The following ZNF273 variants were observed in gnomAD, a reference collection of about 807,000 sequenced individuals.
The protein encoded by ZNF273 is zinc finger protein 9.
ZNF273 carries 11 observed loss-of-function variants against 14.9 expected under a neutral mutation model. The ratio of observed to expected loss-of-function variants is 0.74; its 90% CI spans 0.46 to 1.22. The LOEUF is 1.22. Ranked by LOEUF, ZNF273 falls within the 50% of genes most tolerant of loss-of-function variation. The probability of loss-of-function intolerance (pLI) is 0.00; values close to 1 mark genes in which losing one functional copy is unlikely to be tolerated. For synonymous variants in ZNF273, 199 were observed against 223.9 expected, an observed-to-expected ratio of 0.89 and a Z score of 0.99; for missense variants, 577 against 660.6, an observed-to-expected ratio of 0.87 and a Z score of 1.39.
rs1158865282 is a variant in ZNF273, at chr7:64,928,628, G to A, written c.1300G>A (p.Glu434Lys). Residue 434 changes from glutamate (E) to lysine (K), a missense_variant, in exon 4 of 4, where the codon GAA (glutamate) becomes AAA (lysine). Physicochemically the swap from Glu to Lys is moderately conservative, Grantham distance 56 (BLOSUM62 1). Transcript: ENST00000476120. ...TAAAGAGAAACCATACAAATGTGAA[G>A]AATGTGGAAAAGCCTTTAGTGTATT... is the stretch of plus-strand genomic sequence containing the variant. Reference protein sequence around the residue: ...YTKEKPYKCEECGKAFSVFST... With the variant: ...YTKEKPYKCEKCGKAFSVFST... 1.2e-6 allele frequency: 2 copies of A among 1,613,180 alleles called. No individual in the cohort carries two copies. Among genetic ancestry groups the A allele is most frequent in the Non-Finnish European group, 1.7e-6 (2 of 1,179,662 alleles).
At chr7:64,889,546 A>T, downstream of ZNF273, 2 of 985,532 alleles carry the variant, frequency 2.0e-6, no homozygotes, top group Non-Finnish European at 2.4e-6. This position sits in a 1 kb window ranked among gnomAD's most constrained non-coding sequence, Gnocchi z 4.2. Context: ...GCGGTCCTCT[A>T]CGGTCTCCTC....
chr7:64,878,190 C>G (rs1444502899), intron 1 of ZNF273, among the ~76,000 whole-genome samples: 10 of 151,242 alleles, frequency 6.6e-5, no homozygotes, highest in Admixed American at 6.6e-4. Flanking sequence ...GTTTGTTTTT[C>G]CCGTGTTTCC....
At chr7:64,921,637 T>TTTTTTTTTTTTTTTTTTG (rs750737426) in intron 3 of ZNF273, among the ~76,000 whole-genome samples, 11 of 29,574 alleles carry the variant, frequency 3.7e-4, no homozygotes, top group African/African-American at 1.7e-3. Flanking sequence ...TTTTTTTTTT[T>TTTTTTTTTTTTTTTTTTG]GTGTGTGAGA....
At chr7:64,920,855 T>C (rs1053190511) in intron 3 of ZNF273, among the ~76,000 whole-genome samples, 2 of 152,160 alleles carry the variant, frequency 1.3e-5, no homozygotes, top group African/African-American at 4.8e-5. Flanking sequence ...AAGTACCATG[T>C]AGCTGTCCTT....
intron 1 of ZNF273, 66 bp from the exon 2 acceptor site, chr7:64,917,515 A>C: frequency 6.4e-7 from 1 of 1,556,508 alleles, no homozygotes; most frequent in South Asian, 1.1e-5. Flanking sequence ...TTCCACCTTG[A>C]GTCAAATTAA....
At chr7:64,884,794 A>G (rs571330559) in intron 1 of ZNF273, among the ~76,000 whole-genome samples, 7 of 152,320 alleles carry the variant, frequency 4.6e-5, no homozygotes, top group Non-Finnish European at 7.3e-5. Context: ...CCCACCTCAC[A>G]TTCTCGAATC....
intron 1 of ZNF273, among the ~76,000 whole-genome samples, chr7:64,906,047 G>A (rs1022332898): frequency 1.3e-5 from 2 of 152,080 alleles, no homozygotes; most frequent in Admixed American, 6.6e-5. Flanking sequence ...TTATGGGTGA[G>A]ATCAAACAGA....
In ZNF273 at chr7:64,918,127, C is replaced by T; in HGVS notation, c.230-70C>T. ...AGAATACTTAATTACATCCTCTTTA[C>T]TGAGCACATTACTGGTTGATAATTG... On this transcript the variant is annotated intron_variant, in intron 2 of 3. Transcript: ENST00000476120. 5 of 1,403,140 alleles carry T rather than the reference C, an allele frequency of 3.6e-6. 1 individual carries two copies. In the South Asian group the frequency reaches 4.9e-5, roughly 14 times the overall value. The allele number at this position is 1,403,140 out of a possible 1,614,324, so 86.9% of individuals were successfully genotyped here.
chr7:64,909,229 C>CT (rs35538141), intron 1 of ZNF273, among the ~76,000 whole-genome samples: 61,462 of 145,244 alleles, frequency 0.42, 13,016 homozygotes, highest in African/African-American at 0.45. Flanking sequence ...ATGTTTTCTT[C>CT]TTTTTTTTTT....
downstream of ZNF273, among the ~76,000 whole-genome samples, chr7:64,932,870 TC>T (rs1795021901): frequency 6.6e-6 from 1 of 152,126 alleles, no homozygotes; most frequent in East Asian, 1.9e-4. Flanking sequence ...TCACACAGAA[TC>T]TATTTTTAAG....
At chr7:64,885,429 C>A (rs550292683) in intron 1 of ZNF273, among the ~76,000 whole-genome samples, 1 of 152,354 alleles carries the variant, frequency 6.6e-6, no homozygotes, top group East Asian at 1.9e-4. Flanking sequence ...TAAAATTGTA[C>A]CTCTTGGTCA....
chr7:64,914,076 T>C (rs1043742435), intron 1 of ZNF273, among the ~76,000 whole-genome samples: 2 of 152,000 alleles, frequency 1.3e-5, no homozygotes, highest in African/African-American at 4.8e-5. Context: ...TGGCTTGATC[T>C]CGGCTACTTC....
downstream of ZNF273, among the ~76,000 whole-genome samples, chr7:64,932,913 T>A (rs978695888): frequency 3.3e-5 from 5 of 152,164 alleles, no homozygotes; most frequent in Non-Finnish European, 7.3e-5. Flanking sequence ...AATAATAAAA[T>A]GACTTCTGTT....
chr7:64,917,827 G>T, intron 2 of ZNF273, 120 bp downstream of exon 2: 2 of 1,117,126 alleles, frequency 1.8e-6, no homozygotes, highest in Non-Finnish European at 2.4e-6. Flanking sequence ...AAAATCCTGG[G>T]GATTTGTTCA....
At chr7:64,936,418 C>A in the ZNF273 span, among the ~76,000 whole-genome samples, 3 of 152,122 alleles carry the variant, frequency 2.0e-5, no homozygotes, top group Non-Finnish European at 4.4e-5. Context: ...TACAGAGATA[C>A]CAATTTCCCC....
downstream of ZNF273, among the ~76,000 whole-genome samples, chr7:64,934,715 G>C (rs1795047032): frequency 6.6e-6 from 1 of 151,738 alleles, no homozygotes; most frequent in Non-Finnish European, 1.5e-5. Flanking sequence ...CTATAGCTTG[G>C]TAGTATATTT....
downstream of ZNF273, chr7:64,933,604 C>T (rs1290381550): frequency 6.6e-6 from 1 of 152,168 alleles, no homozygotes; most frequent in African/African-American, 2.4e-5. Flanking sequence ...GGGTCCAGAA[C>T]ATGCTGTTAA....
chr7:64,921,636 T>TTG (rs1491013974), intron 3 of ZNF273, among the ~76,000 whole-genome samples: 765 of 33,792 alleles, frequency 0.023, 16 homozygotes, highest in South Asian at 0.035. Flanking sequence ...TTTTTTTTTT[T>TTG]TGTGTGTGAG....
chr7:64,878,991 C>T (rs974090992), intron 2 of ZNF273, among the ~76,000 whole-genome samples: 1 of 152,202 alleles, frequency 6.6e-6, no homozygotes, highest in African/African-American at 2.4e-5. Context: ...CAGTTATTTC[C>T]ACCAACATGG....
Sources: gnomAD v4.1 joint callset for allele counts (sites outside exome capture counted in the v4.1 genomes callset) on GRCh38, gnomAD v4.1.1 for gene constraint, Gnocchi (gnomAD v3.1) non-coding constraint, MANE v1.5 for transcripts, NCBI Gene and HGNC (gene_info 2026-07-23, HGNC 2026-07-21) for gene names.